GATAD2A: variants seen among roughly 807,000 people sequenced by gnomAD.
The protein encoded by GATAD2A is transcriptional repressor p66-alpha.
In GATAD2A, 12 loss-of-function variants were observed where a neutral mutation model predicts 68.5. That is an observed-to-expected ratio of 0.18 (90% CI 0.11 to 0.28). The LOEUF (loss-of-function observed/expected upper bound fraction) is 0.28. Ranked by LOEUF, GATAD2A falls within the 10% of genes least tolerant of loss-of-function variation. The pLI, the probability that GATAD2A is intolerant of heterozygous loss-of-function variation, is 1.00. For missense variants in GATAD2A, 755 were observed against 868.5 expected (o/e 0.87, Z 1.64); for synonymous variants, 410 against 375.3 (o/e 1.09, Z -1.07).
At chr19:19,485,505 G>A (rs901089475) in intron 2 of GATAD2A, among the ~76,000 whole-genome samples, 7 of 150,010 alleles carry the variant, frequency 4.7e-5, no homozygotes, top group African/African-American at 1.5e-4. Flanking sequence ...CCACTATAGC[G>A]GGGGCTAGTG....
At chr19:19,493,129 C>T (rs1226128107) in intron 4 of GATAD2A, among the ~76,000 whole-genome samples, 4 of 152,042 alleles carry the variant, frequency 2.6e-5, no homozygotes, top group African/African-American at 4.8e-5. Context: ...TTAGTGGAGA[C>T]GGGGTTTCAC....
intron 2 of GATAD2A, among the ~76,000 whole-genome samples, chr19:19,481,591 G>A (rs1011454184): frequency 6.6e-6 from 1 of 152,046 alleles, no homozygotes; most frequent in Non-Finnish European, 1.5e-5. Context: ...CTCCCAAAGC[G>A]CTGGGATTGC....
intron 1 of GATAD2A, among the ~76,000 whole-genome samples, chr19:19,426,467 G>A (rs933937177): frequency 6.6e-6 from 1 of 152,094 alleles, no homozygotes; most frequent in African/African-American, 2.4e-5. Flanking sequence ...ATGTGTGGCC[G>A]CTGCTGTTAC....
chr19:19,417,296 A>G (rs766213484), intron 1 of GATAD2A, among the ~76,000 whole-genome samples: 14 of 152,206 alleles, frequency 9.2e-5, no homozygotes, highest in Non-Finnish European at 1.0e-4. Flanking sequence ...GCCCTTGACC[A>G]GCTCCTTAGG....
chr19:19,429,174 C>T (rs1377302362), intron 1 of GATAD2A: 6 of 985,112 alleles, frequency 6.1e-6, no homozygotes, highest in Non-Finnish European at 6.0e-6. Context: ...GAGCATGGAG[C>T]CTTTGGGAAG....
chr19:19,442,311 C>T (rs1313341661), intron 1 of GATAD2A, among the ~76,000 whole-genome samples: 3 of 152,078 alleles, frequency 2.0e-5, no homozygotes, highest in Admixed American at 1.3e-4. Flanking sequence ...GAACAAGGAG[C>T]CCCTGAGTTA....
At chr19:19,493,087 C>G (rs1203589583) in intron 4 of GATAD2A, among the ~76,000 whole-genome samples, 1 of 152,102 alleles carries the variant, frequency 6.6e-6, no homozygotes, top group South Asian at 2.1e-4. Flanking sequence ...ACTACAGGCG[C>G]GTGCCACCAC....
intron 1 of GATAD2A, among the ~76,000 whole-genome samples, chr19:19,389,587 T>G (rs1221325694): frequency 6.6e-6 from 1 of 152,176 alleles, no homozygotes. Context: ...GCTGCTGGGC[T>G]AAGTCAAGTC....
intron 2 of GATAD2A, 142 bp from the exon 3 acceptor site, chr19:19,492,163 TG>T: frequency 2.4e-6 from 2 of 850,946 alleles, no homozygotes; most frequent in Non-Finnish European, 1.8e-6. Context: ...CTGGGAGCCA[TG>T]GGGCAGGGCA....
At chr19:19,438,187 A>G (rs903088392) in intron 1 of GATAD2A, among the ~76,000 whole-genome samples, 13 of 152,254 alleles carry the variant, frequency 8.5e-5, no homozygotes, top group Admixed American at 7.2e-4. Flanking sequence ...AGGCATTGAC[A>G]GAAACAGAGG....
chr19:19,503,600 A>T (rs546425336), intron 11 of GATAD2A, among the ~76,000 whole-genome samples: 52 of 151,884 alleles, frequency 3.4e-4, no homozygotes, highest in Non-Finnish European at 6.0e-4. Flanking sequence ...GTAGAAGTCG[A>T]TAAGTGTGTG....
intron 1 of GATAD2A, among the ~76,000 whole-genome samples, chr19:19,413,109 A>G (rs1301902307): frequency 6.6e-6 from 1 of 152,206 alleles, no homozygotes; most frequent in African/African-American, 2.4e-5. Flanking sequence ...ACCCATCATA[A>G]GTTGAGGAGC....
intron 9 of GATAD2A, 119 bp downstream of exon 9, chr19:19,501,535 G>C: frequency 1.2e-6 from 1 of 807,990 alleles, no homozygotes; most frequent in East Asian, 2.7e-5. Flanking sequence ...TGCAGTTAAT[G>C]GTGGTGTTGG....
intron 1 of GATAD2A, among the ~76,000 whole-genome samples, chr19:19,425,148 A>G (rs1265637954): frequency 6.6e-6 from 1 of 152,128 alleles, no homozygotes; most frequent in Non-Finnish European, 1.5e-5. Flanking sequence ...CATTAAGTGA[A>G]CAAAACCCAG....
chr19:19,443,011 CAG>C (rs1256319533), intron 1 of GATAD2A, among the ~76,000 whole-genome samples: 2 of 152,132 alleles, frequency 1.3e-5, no homozygotes, highest in Non-Finnish European at 2.9e-5. Flanking sequence ...CCTAGGGTGA[CAG>C]GGATGCTCTA....
At chr19:19,457,149 G>C (rs2057008013) in intron 1 of GATAD2A, 1 of 985,392 alleles carries the variant, frequency 1.0e-6, no homozygotes. Context: ...CCTGCTCTGT[G>C]ACTGACACTC....
At chr19:19,387,121 G>A (rs770222640) in intron 1 of GATAD2A, among the ~76,000 whole-genome samples, 42 of 151,936 alleles carry the variant, frequency 2.8e-4, no homozygotes, top group Non-Finnish European at 5.9e-4. Flanking sequence ...CTCCTCTAAG[G>A]AGAGACCCCT....
At chr19:19,432,461 C>G (rs185977273) in intron 1 of GATAD2A, among the ~76,000 whole-genome samples, 1 of 152,018 alleles carries the variant, frequency 6.6e-6, no homozygotes. Flanking sequence ...GCCATCATGC[C>G]CGGCTAATTT....
At chr19:19,475,489 C>CCG (rs906822898) in intron 2 of GATAD2A, among the ~76,000 whole-genome samples, 13 of 43,560 alleles carry the variant, frequency 3.0e-4, no homozygotes, top group Non-Finnish European at 5.2e-4. Flanking sequence ...GGAGCCCCCC[C>CCG]CCCTCCACTG....
Sources: allele counts gnomAD v4.1 joint callset (sites outside exome capture counted in the v4.1 genomes callset), GRCh38; gene constraint gnomAD v4.1.1; transcripts MANE v1.5; gene names NCBI Gene and HGNC (gene_info 2026-07-23, HGNC 2026-07-21).